MTRF1: variants seen among roughly 807,000 people sequenced by gnomAD.
MTRF1 encodes peptide chain release factor 1, mitochondrial.
In MTRF1, 51 loss-of-function variants were observed where a neutral mutation model predicts 62.9. The observed-to-expected ratio is 0.81, with a 90% CI of 0.65 to 1.02. The LOEUF (loss-of-function observed/expected upper bound fraction) is 1.02. Among genes scored for constraint, MTRF1 ranks in the 50% least tolerant of loss-of-function variants. MTRF1 has a pLI of 0.00. For synonymous variants in MTRF1, 158 were observed against 181.9 expected, an observed-to-expected ratio of 0.87 and a Z score of 1.06; for missense variants, 446 against 530.0, an observed-to-expected ratio of 0.84 and a Z score of 1.56.
intron 9 of MTRF1, among the ~76,000 whole-genome samples, chr13:41,218,042 G>C (rs1247327535): frequency 6.6e-6 from 1 of 152,126 alleles, no homozygotes; most frequent in Non-Finnish European, 1.5e-5. Context: ...AGGAAATGGT[G>C]GGGGGAAAGA....
the MTRF1 span, among the ~76,000 whole-genome samples, chr13:41,297,330 A>G: frequency 6.6e-6 from 1 of 152,172 alleles, no homozygotes; most frequent in South Asian, 2.1e-4. Context: ...CCATAGTTCT[A>G]TCTTTTGGTG....
intron 9 of MTRF1, among the ~76,000 whole-genome samples, chr13:41,219,049 G>A (rs1379091148): frequency 2.6e-5 from 4 of 152,148 alleles, no homozygotes; most frequent in African/African-American, 4.8e-5. Context: ...CCAGCATTTC[G>A]CAAGGCTGAC....
the MTRF1 span, among the ~76,000 whole-genome samples, chr13:41,305,083 T>G: frequency 6.6e-6 from 1 of 152,204 alleles, no homozygotes; most frequent in South Asian, 2.1e-4. Context: ...CTCATCTGTT[T>G]TCCCCATGTA....
In MTRF1 at chr13:41,217,017, G is replaced by A; in HGVS notation, c.*98C>T. On this transcript the variant is annotated 3_prime_UTR_variant, in exon 10 of 10. Transcript: ENST00000379480. Reference sequence around the variant, plus strand: ...TTATGTGTAATGTGTTCTTAAAGCTGTAATTTACAAATATTCATAATGATT... The same window carrying A: ...TTATGTGTAATGTGTTCTTAAAGCTATAATTTACAAATATTCATAATGATT... 1.6e-6 allele frequency: 1 copy of A among 624,476 alleles called. No homozygotes were observed. Among genetic ancestry groups the A allele is most frequent in the South Asian group, 2.8e-5 (1 of 35,952 alleles). The allele number at this position is 624,476 out of a possible 1,614,324, so 38.7% of individuals were successfully genotyped here. A position where few individuals can be genotyped will look rare whatever the true frequency, so the allele number is the denominator to read the frequency against.
chr13:41,303,199 G>T, the MTRF1 span, among the ~76,000 whole-genome samples: 5 of 151,612 alleles, frequency 3.3e-5, no homozygotes, highest in African/African-American at 9.7e-5. Flanking sequence ...CTATTTTTTT[G>T]GACTACTTTG....
upstream of MTRF1, among the ~76,000 whole-genome samples, chr13:41,264,504 A>C (rs964980754): frequency 6.6e-5 from 10 of 152,264 alleles, no homozygotes; most frequent in African/African-American, 2.4e-4. Flanking sequence ...AGAAAAGGCA[A>C]AAAATGTACC....
chr13:41,249,619 CTTTTTTTTTTTTTT>C (rs1166204914), intron 5 of MTRF1, among the ~76,000 whole-genome samples: 4 of 61,530 alleles, frequency 6.5e-5, no homozygotes, highest in South Asian at 1.6e-3. Flanking sequence ...ATTTTTTTTT[CTTTTTTTTTTTTTT>C]TTTTTTTTTT....
the MTRF1 span, among the ~76,000 whole-genome samples, chr13:41,271,054 TACACACACACACACACACACACACACAC>T: frequency 7.0e-6 from 1 of 143,374 alleles, no homozygotes; most frequent in South Asian, 2.2e-4. Flanking sequence ...GCCTTTTAAA[TACACACACACACACACACACACACACAC>T]ACACACACAC....
the MTRF1 span, among the ~76,000 whole-genome samples, chr13:41,291,108 A>C: frequency 7.0e-6 from 1 of 142,948 alleles, no homozygotes; most frequent in South Asian, 2.3e-4. Context: ...AAAAAAAAAA[A>C]CAGAAAAAAG....
chr13:41,283,944 C>T, the MTRF1 span, among the ~76,000 whole-genome samples: 3 of 152,100 alleles, frequency 2.0e-5, no homozygotes, highest in African/African-American at 7.2e-5. Context: ...GATTGACATG[C>T]CTCCTGTTTT....
chr13:41,232,904 G>A (rs1186095807), intron 7 of MTRF1, among the ~76,000 whole-genome samples: 1 of 152,082 alleles, frequency 6.6e-6, no homozygotes, highest in Non-Finnish European at 1.5e-5. Context: ...CAGAGTCAAA[G>A]AAAAGTAGGC....
chr13:41,305,687 C>A, the MTRF1 span, among the ~76,000 whole-genome samples: 1 of 152,214 alleles, frequency 6.6e-6, no homozygotes, highest in African/African-American at 2.4e-5. Flanking sequence ...AATATGCCAT[C>A]CCACGACATG....
rs528820758 is a variant in MTRF1 at position 41,231,206 on chromosome 13, T to G, written c.988+2684A>C. 4.6e-3 allele frequency among the ~76,000 whole-genome samples: 699 copies of G among 152,296 alleles called. 7 individuals carry two copies. The highest frequency in any genetic ancestry group is 0.015 in the African/African-American group (622 of 41,556). On this transcript the variant is annotated intron_variant, in intron 7 of 9. Coordinates refer to ENST00000379480, the MANE Select transcript of MTRF1 (RefSeq NM_004294.4). ...AAGGAAGGTGAGACTTAATTCCCTG[T>G]AGAGGGAGATGCTGACCAGAAACTG...
At chr13:41,228,693 G>T (rs2034937633) in intron 7 of MTRF1, among the ~76,000 whole-genome samples, 1 of 152,158 alleles carries the variant, frequency 6.6e-6, no homozygotes, top group Non-Finnish European at 1.5e-5. Context: ...CTTATCTTGG[G>T]ATAAATTTTC....
intron 6 of MTRF1, among the ~76,000 whole-genome samples, chr13:41,239,024 A>C (rs1391346619): frequency 6.6e-6 from 1 of 152,136 alleles, no homozygotes; most frequent in East Asian, 1.9e-4. Context: ...CACTAAAAAA[A>C]AAAGTTGGGA....
chr13:41,237,218 C>CA (rs11412273), intron 6 of MTRF1, among the ~76,000 whole-genome samples: 2,794 of 63,782 alleles, frequency 0.044, 325 homozygotes, highest in African/African-American at 0.16. Flanking sequence ...GAATCTGTCT[C>CA]AAAAAAAAAA....
chr13:41,266,759 G>A (rs1471186227), upstream of MTRF1, among the ~76,000 whole-genome samples: 12 of 152,010 alleles, frequency 7.9e-5, no homozygotes, highest in Non-Finnish European at 2.9e-5. Flanking sequence ...TTTGGGAGCC[G>A]AGGTGGGTGG....
rs1166204914 is a variant in MTRF1, at chr13:41,249,619, C to CTTTTT, written c.697+3021_697+3025dup. 3.1e-3 allele frequency among the ~76,000 whole-genome samples: 190 copies of CTTTTT among 61,566 alleles called. 5 individuals carry two copies. Among genetic ancestry groups the CTTTTT allele is most frequent in the Admixed American group, 3.4e-3 (12 of 3,536 alleles). The allele number at this position is 61,566 out of a possible 152,430, so 40.4% of individuals were successfully genotyped here. On this transcript the variant is annotated intron_variant, in intron 5 of 9. Coordinates refer to ENST00000379480, the MANE Select transcript of MTRF1 (RefSeq NM_004294.4). ...TATTCTTAGTCTTTGATTTTTTTTT[C>CTTTTT]TTTTTTTTTTTTTTTTTTTTTTTTT...
the MTRF1 span, among the ~76,000 whole-genome samples, chr13:41,272,346 A>G: frequency 6.6e-6 from 1 of 152,200 alleles, no homozygotes; most frequent in African/African-American, 2.4e-5. Context: ...ATGAAAGAAC[A>G]TTGTTTGTTG....
Sources: gnomAD v4.1 joint callset for allele counts (sites outside exome capture counted in the v4.1 genomes callset) on GRCh38, gnomAD v4.1.1 for gene constraint, MANE v1.5 for transcripts, NCBI Gene and HGNC (gene_info 2026-07-23, HGNC 2026-07-21) for gene names.